RELN: variants seen among roughly 807,000 people sequenced by gnomAD.
RELN encodes reelin.
RELN carries 108 observed loss-of-function variants against 427.6 expected under a neutral mutation model. The ratio of observed to expected loss-of-function variants is 0.25; its 90% CI spans 0.22 to 0.30. The LOEUF is 0.30. RELN is among the 10% of genes least tolerant of loss of function. The probability of loss-of-function intolerance (pLI) is 1.00; values close to 1 mark genes in which losing one functional copy is unlikely to be tolerated. For synonymous variants in RELN, 1,524 were observed against 1,513.4 expected (o/e 1.01, Z -0.16); for missense variants, 3,715 against 4,302.8 (o/e 0.86, Z 3.82).
At chr7:103,594,229 T>G in intron 26 of RELN, 92 bp downstream of exon 26, 2 of 1,231,064 alleles carry the variant, frequency 1.6e-6, no homozygotes, top group Non-Finnish European at 1.2e-6. Context: ...ATACATTCAG[T>G]GTCAAGCACT....
chr7:103,869,180 T>G (rs144063004), intron 2 of RELN, among the ~76,000 whole-genome samples: 1 of 152,174 alleles, frequency 6.6e-6, no homozygotes, highest in Non-Finnish European at 1.5e-5. Context: ...AAGTTCGAAG[T>G]GTGAAGAAGG....
At chr7:103,592,494 C>T (rs1331906483) in intron 27 of RELN, among the ~76,000 whole-genome samples, 1 of 152,060 alleles carries the variant, frequency 6.6e-6, no homozygotes, top group Admixed American at 6.6e-5. Flanking sequence ...TGAACATACA[C>T]ATGCATGTGT....
chr7:103,676,984 C>T lies in RELN; in HGVS notation c.1289+5132G>A, dbSNP rs537344673. Among the ~76,000 whole-genome samples, 38 of 151,602 alleles carry T rather than the reference C, an allele frequency of 2.5e-4. 1 individual carries two copies. The highest frequency in any genetic ancestry group is 8.5e-4 in the African/African-American group (35 of 41,286). ...AGCACACCAACATGGTACATGTATA[C>T]ATATGTAACAAACCTGCATGTTGTG... On this transcript the variant is annotated intron_variant, in intron 11 of 64. Transcript: ENST00000428762.
intron 1 of RELN, among the ~76,000 whole-genome samples, chr7:103,982,610 A>G (rs937129481): frequency 6.6e-6 from 1 of 152,102 alleles, no homozygotes; most frequent in Non-Finnish European, 1.5e-5. Context: ...AAAGGAAGCA[A>G]AGGAGGAAAG....
At chr7:103,709,249 A>G (rs1789728905) in intron 8 of RELN, among the ~76,000 whole-genome samples, 1 of 152,222 alleles carries the variant, frequency 6.6e-6, no homozygotes, top group Non-Finnish European at 1.5e-5. Context: ...CCAGAAGGAC[A>G]GCATCTCAGG....
rs1330920214 is a variant in RELN, at chr7:103,609,597, A to T, written c.3008+1098T>A. ...AATCTGTGGAAATCAAATTTCAAGCATTGTATTCCAACTGACATAATAATG... is the reference window on the plus strand; with the variant it reads ...AATCTGTGGAAATCAAATTTCAAGCTTTGTATTCCAACTGACATAATAATG... On this transcript the variant is annotated intron_variant, in intron 22 of 64. Coordinates refer to ENST00000428762, the MANE Select transcript of RELN (RefSeq NM_005045.4). 4.6e-5 allele frequency among the ~76,000 whole-genome samples: 7 copies of T among 152,342 alleles called. No individual in the cohort carries two copies. The East Asian group carries it at 1.2e-3, about 25-fold the overall frequency.
At chr7:103,961,213 G>A (rs957628318) in intron 1 of RELN, among the ~76,000 whole-genome samples, 2 of 152,070 alleles carry the variant, frequency 1.3e-5, no homozygotes, top group African/African-American at 4.8e-5. Context: ...TGATTTCTAG[G>A]TCCTAATGAA....
intron 20 of RELN, among the ~76,000 whole-genome samples, chr7:103,615,605 A>T (rs1341264331): frequency 6.6e-6 from 1 of 152,158 alleles, no homozygotes; most frequent in Non-Finnish European, 1.5e-5. Context: ...GGGATCCTTA[A>T]CATTGTGTTA....
rs551709392 is a variant in RELN at position 103,533,930 on chromosome 7, G to A, written c.7349+1386C>T. On this transcript the variant is annotated intron_variant, in intron 46 of 64. Coordinates refer to ENST00000428762, the MANE Select transcript of RELN (RefSeq NM_005045.4). Reference sequence around the variant, plus strand: ...TTTTTCTATTTTACTTATTAAGATCGCTTTAATAATTCATGCATGGCAACA... The same window carrying A: ...TTTTTCTATTTTACTTATTAAGATCACTTTAATAATTCATGCATGGCAACA... Among the ~76,000 whole-genome samples, 18 of 151,904 alleles carry A rather than the reference G, an allele frequency of 1.2e-4. No homozygotes were observed. In the South Asian group the frequency reaches 2.9e-3, roughly 25 times the overall value.
rs533614152 is a variant in RELN, at chr7:103,684,901, C to T, written c.1144-2640G>A. ...GAAGAGCATTTCAATCTATTTTAAA[C>T]TATTTTTCATCAGAATAGTCATTAA... On this transcript the variant is annotated intron_variant, in intron 10 of 64. Coordinates refer to ENST00000428762, the MANE Select transcript of RELN (RefSeq NM_005045.4). Among the ~76,000 whole-genome samples the T allele has an allele frequency of 1.2e-4, 19 of 152,246 alleles. No homozygotes were observed. In the South Asian group the frequency reaches 3.9e-3, roughly 32 times the overall value.
At chr7:103,870,694 A>T (rs983087392) in intron 2 of RELN, among the ~76,000 whole-genome samples, 1 of 152,098 alleles carries the variant, frequency 6.6e-6, no homozygotes, top group Non-Finnish European at 1.5e-5. Flanking sequence ...CCAGACCTTC[A>T]GTGTCCTCCA....
chr7:103,752,553 T>G (rs1791030489), intron 5 of RELN, among the ~76,000 whole-genome samples: 1 of 129,568 alleles, frequency 7.7e-6, no homozygotes, highest in African/African-American at 3.8e-5. Flanking sequence ...GGACTCCAGG[T>G]GCACAACCAC....
At chr7:103,871,379 T>C (rs909419870) in intron 2 of RELN, among the ~76,000 whole-genome samples, 3 of 152,144 alleles carry the variant, frequency 2.0e-5, no homozygotes, top group African/African-American at 7.2e-5. Context: ...AGCAACCAAA[T>C]TTATATTTTA....
chr7:103,542,964 T>TAC (rs201754442), intron 42 of RELN, 86 bp from the exon 43 acceptor site: 1 of 1,332,674 alleles, frequency 7.5e-7, no homozygotes, highest in Non-Finnish European at 1.1e-6. Context: ...GGTAAATGCA[T>TAC]TATGTAGTTT....
intron 2 of RELN, among the ~76,000 whole-genome samples, chr7:103,851,005 A>G (rs1156350818): frequency 2.0e-5 from 3 of 152,210 alleles, no homozygotes; most frequent in Non-Finnish European, 4.4e-5. Flanking sequence ...GAGGAAAAGA[A>G]GTCATTCGAA....
chr7:103,684,323 T>C (rs1833717638), intron 10 of RELN, among the ~76,000 whole-genome samples: 1 of 152,152 alleles, frequency 6.6e-6, no homozygotes. Flanking sequence ...ATTAGCCTGC[T>C]TCCTAGATGC....
intron 2 of RELN, among the ~76,000 whole-genome samples, chr7:103,897,223 C>G (rs774074027): frequency 1.3e-5 from 2 of 152,206 alleles, no homozygotes; most frequent in Non-Finnish European, 2.9e-5. Flanking sequence ...ATATCAATTA[C>G]TTCTTAAAAT....
chr7:103,656,895 C>T (rs1833034510), intron 12 of RELN, among the ~76,000 whole-genome samples: 1 of 152,014 alleles, frequency 6.6e-6, no homozygotes, highest in Non-Finnish European at 1.5e-5. Flanking sequence ...TATATAGATC[C>T]ACTTTGCTGA....
rs1212988348 is a variant in RELN at position 103,566,622 on chromosome 7, G to A, written c.4726C>T (p.Arg1576Ter). ...QDAKTPATAF[R>*]WWQPQHGKHS... ...TTACCATGTTGCGGTTGCCACCATC[G>A]AAATGCCGTTGCAGGTGTCTTCGCG... The change falls in exon 32 of 65, where the codon CGA becomes TGA. Residue 1576 changes from arginine (R) to a stop codon, truncating the protein, a stop_gained. Coordinates refer to ENST00000428762, the MANE Select transcript of RELN (RefSeq NM_005045.4). LOFTEE classifies it high-confidence loss of function. 1.9e-6 allele frequency: 3 copies of A among 1,614,196 alleles called. No homozygotes were observed. Among genetic ancestry groups the A allele is most frequent in the Non-Finnish European group, 8.5e-7 (1 of 1,180,022 alleles).
Sources: gnomAD v4.1 joint callset for allele counts (sites outside exome capture counted in the v4.1 genomes callset) on GRCh38, gnomAD v4.1.1 for gene constraint, MANE v1.5 for transcripts, NCBI Gene and HGNC (gene_info 2026-07-23, HGNC 2026-07-21) for gene names.